Variants in PLEKHH2 observed in about 807,000 individuals in gnomAD.
The protein encoded by PLEKHH2 is pleckstrin homology, MyTH4 and FERM domain containing H2.
PLEKHH2 carries 129 observed loss-of-function variants against 187.9 expected under a neutral mutation model. The ratio of observed to expected loss-of-function variants is 0.69; its 90% CI spans 0.59 to 0.79. The LOEUF is 0.79. Ranked by LOEUF, PLEKHH2 falls within the 30% of genes least tolerant of loss-of-function variation. The pLI is 0.00. For synonymous variants in PLEKHH2, 686 were observed against 605.6 expected, an observed-to-expected ratio of 1.13 and a Z score of -1.95; for missense variants, 2,076 against 1,751.2, an observed-to-expected ratio of 1.19 and a Z score of -3.31.
chr2:43,766,361 G>A lies in PLEKHH2; in HGVS notation c.*763G>A, dbSNP rs1380924681. The stretch of plus-strand genomic sequence containing the variant: ...TTTGGTGCTGGGTCATTTTGACCTT[G>A]CTTTGTTAATAATATCTTTAAAAAC... On this transcript the variant is annotated 3_prime_UTR_variant, in exon 30 of 30. Transcript: ENST00000282406. 6.5e-6 allele frequency: 1 copy of A among 152,752 alleles called. No individual in the cohort carries two copies. The highest frequency in any genetic ancestry group is 1.5e-5 in the Non-Finnish European group (1 of 68,034). 9.5% of individuals were successfully genotyped at this position (152,752 alleles called of 1,614,324 possible).
intron 11 of PLEKHH2, among the ~76,000 whole-genome samples, chr2:43,708,583 C>G (rs1319218642): frequency 6.6e-6 from 1 of 152,192 alleles, no homozygotes; most frequent in Admixed American, 6.5e-5. Context: ...TTAGTCTGCT[C>G]TATGTTTTAT....
intron 2 of PLEKHH2, among the ~76,000 whole-genome samples, chr2:43,655,749 T>G (rs2374565): frequency 0.18 from 27,000 of 152,144 alleles, 2,493 homozygotes; most frequent in Middle Eastern, 0.29. Context: ...TTATTACAAC[T>G]GAATGAGATT....
chr2:43,657,132 T>C (rs779382911), intron 2 of PLEKHH2, among the ~76,000 whole-genome samples: 2 of 152,222 alleles, frequency 1.3e-5, no homozygotes, highest in Non-Finnish European at 2.9e-5. Flanking sequence ...TGTTTGGCAT[T>C]GAATGGGATC....
chr2:43,658,582 T>C (rs1215831685), intron 2 of PLEKHH2: 1 of 152,280 alleles, frequency 6.6e-6, no homozygotes, highest in Non-Finnish European at 1.5e-5. Context: ...TCACTTTCAA[T>C]GGTTCACCAA....
intron 2 of PLEKHH2, among the ~76,000 whole-genome samples, chr2:43,652,630 A>T (rs1368959884): frequency 6.6e-6 from 1 of 152,236 alleles, no homozygotes; most frequent in Non-Finnish European, 1.5e-5. Flanking sequence ...CAGGGAGCCC[A>T]GCCAGAACAC....
intron 16 of PLEKHH2, among the ~76,000 whole-genome samples, chr2:43,724,738 T>A (rs1670655758): frequency 6.6e-6 from 1 of 152,186 alleles, no homozygotes; most frequent in Admixed American, 6.5e-5. Context: ...CAATAAGCAG[T>A]TTTGAGACTA....
At chr2:43,704,543 GC>G (rs1409179437) in intron 9 of PLEKHH2, among the ~76,000 whole-genome samples, 9 of 151,492 alleles carry the variant, frequency 5.9e-5, no homozygotes, top group African/African-American at 2.2e-4. Flanking sequence ...GGCGCCCATA[GC>G]CCCAGCTACT....
chr2:43,741,855 T>C (rs993478702), intron 21 of PLEKHH2, among the ~76,000 whole-genome samples: 1 of 152,138 alleles, frequency 6.6e-6, no homozygotes, highest in Non-Finnish European at 1.5e-5. Context: ...AGCAGTAAAA[T>C]TTATGTATAA....
At chr2:43,678,006 A>C (rs1262114556) in intron 2 of PLEKHH2, among the ~76,000 whole-genome samples, 4 of 149,354 alleles carry the variant, frequency 2.7e-5, no homozygotes, top group African/African-American at 7.4e-5. Flanking sequence ...GGCGGTTGCC[A>C]GGCAGAGGGT....
rs79871397 is a variant in PLEKHH2 at position 43,658,597 on chromosome 2, G to A, written c.123+13801G>A. ...TCACTTTCAATGGTTCACCAAAATG[G>A]TTGTTGGCAAATGGGTATTGGCTGT... On this transcript the variant is annotated intron_variant, in intron 2 of 29. Transcript: ENST00000282406. 5 of 152,346 alleles carry A rather than the reference G, an allele frequency of 3.3e-5. No homozygotes were observed. The East Asian group carries it at 9.6e-4, about 29-fold the overall frequency. 9.4% of individuals were successfully genotyped at this position (152,346 alleles called of 1,614,324 possible).
At position 43,637,294 on chromosome 2, in the gene PLEKHH2, C is replaced by G. The variant is rs1383293696; in HGVS notation, c.-89C>G. 1.3e-5 allele frequency: 2 copies of G among 152,444 alleles called. No individual in the cohort carries two copies. The highest frequency in any genetic ancestry group is 2.9e-5 in the Non-Finnish European group (2 of 68,210). The allele number at this position is 152,444 out of a possible 1,614,324, so 9.4% of individuals were successfully genotyped here. On this transcript the variant is annotated 5_prime_UTR_variant, in exon 1 of 30. Transcript: ENST00000282406. ...CTCCGAGCTCGGCTTGAGGCGGGCG[C>G]GGGCTGAGAGTCCGGGGATCCCGGG...
At chr2:43,744,015 C>G (rs1671678188) in intron 23 of PLEKHH2, 26 bp downstream of exon 23, 2 of 1,601,598 alleles carry the variant, frequency 1.2e-6, no homozygotes, top group South Asian at 1.1e-5. Flanking sequence ...TTTCAGGAGC[C>G]AAGCCCAACG....
chr2:43,735,245 C>T (rs1049926837), intron 19 of PLEKHH2, among the ~76,000 whole-genome samples: 7 of 151,936 alleles, frequency 4.6e-5, no homozygotes, highest in South Asian at 2.1e-4. Flanking sequence ...TCAGCCATTA[C>T]GAAAAACAAA....
At chr2:43,716,174 A>T (rs1333647265) in intron 15 of PLEKHH2, among the ~76,000 whole-genome samples, 1 of 152,118 alleles carries the variant, frequency 6.6e-6, no homozygotes. Context: ...GGTGGAAAAG[A>T]TGTACCTTGA....
intron 2 of PLEKHH2, among the ~76,000 whole-genome samples, chr2:43,668,505 T>C (rs1365718811): frequency 1.3e-5 from 2 of 152,248 alleles, no homozygotes; most frequent in Non-Finnish European, 2.9e-5. Flanking sequence ...GATGATTTAC[T>C]GATCAGTTCC....
intron 17 of PLEKHH2, 51 bp downstream of exon 17, chr2:43,726,502 CA>C (rs749749051): frequency 6.9e-7 from 1 of 1,445,598 alleles, no homozygotes; most frequent in African/African-American, 1.4e-5. Context: ...TAATATTATT[CA>C]GATATTGGTA....
chr2:43,760,234 T>C (rs939955000), intron 27 of PLEKHH2, among the ~76,000 whole-genome samples: 1 of 152,158 alleles, frequency 6.6e-6, no homozygotes, highest in Admixed American at 6.5e-5. Context: ...CTTTTCAAAT[T>C]ACGTGACAAG....
chr2:43,650,291 C>T (rs1666401531), intron 2 of PLEKHH2, among the ~76,000 whole-genome samples: 1 of 151,690 alleles, frequency 6.6e-6, no homozygotes, highest in African/African-American at 2.4e-5. Context: ...CACCACCATG[C>T]CCAGCTAATT....
In PLEKHH2 at chr2:43,644,821, T is replaced by A. The variant is rs1309418996; in HGVS notation, c.123+25T>A. The A allele has an allele frequency of 1.9e-6, 3 of 1,581,988 alleles. No individual in the cohort carries two copies. The South Asian group carries it at 3.5e-5, about 18-fold the overall frequency. Reference sequence around the variant, plus strand: ...GGTAAGCTTTCTCCCTAAGCTTTGTTATTAAATGTCAGCTATTTAGGGTCT... The same window carrying A: ...GGTAAGCTTTCTCCCTAAGCTTTGTAATTAAATGTCAGCTATTTAGGGTCT... On this transcript the variant is annotated intron_variant, in intron 2 of 29. Coordinates refer to ENST00000282406, the MANE Select transcript of PLEKHH2 (RefSeq NM_172069.4).
Sources: gnomAD v4.1 joint callset for allele counts (sites outside exome capture counted in the v4.1 genomes callset) on GRCh38, gnomAD v4.1.1 for gene constraint, MANE v1.5 for transcripts, NCBI Gene and HGNC (gene_info 2026-07-23, HGNC 2026-07-21) for gene names.